The following PRR16 variants were observed in gnomAD, a reference collection of about 807,000 sequenced individuals.
PRR16 encodes the protein protein Largen.
In PRR16, 6 loss-of-function variants were observed where a neutral mutation model predicts 18.2. The ratio of observed to expected loss-of-function variants is 0.33; its 90% CI spans 0.18 to 0.65. The LOEUF is 0.65. PRR16 is among the 30% of genes least tolerant of loss of function. PRR16 has a pLI of 0.74. For missense variants in PRR16, 412 were observed against 376.6 expected (o/e 1.09, Z -0.78); for synonymous variants, 151 against 147.8 (o/e 1.02, Z -0.16).
chr5:120,584,194 A>C (rs572507877), intron 1 of PRR16, among the ~76,000 whole-genome samples: 117 of 152,334 alleles, frequency 7.7e-4, no homozygotes, highest in Non-Finnish European at 1.1e-3. Flanking sequence ...TGAGGCTTAC[A>C]TGGTAAGTAG....
the PRR16 span, among the ~76,000 whole-genome samples, chr5:120,762,674 C>A: frequency 6.6e-6 from 1 of 152,050 alleles, no homozygotes; most frequent in African/African-American, 2.4e-5. Flanking sequence ...CTTGTGTGTT[C>A]TAGATATTGT....
At chr5:120,514,002 C>T (rs1253557278) in intron 1 of PRR16, among the ~76,000 whole-genome samples, 2 of 152,136 alleles carry the variant, frequency 1.3e-5, no homozygotes, top group African/African-American at 2.4e-5. Flanking sequence ...TCGTGATCCA[C>T]CCACCTCGGC....
chr5:120,517,390 T>C (rs1162338386), intron 1 of PRR16, among the ~76,000 whole-genome samples: 1 of 152,062 alleles, frequency 6.6e-6, no homozygotes, highest in South Asian at 2.1e-4. Context: ...CCCCTACCCA[T>C]TCCCACAAAC....
the PRR16 span, among the ~76,000 whole-genome samples, chr5:120,711,355 A>G: frequency 6.6e-6 from 1 of 152,154 alleles, no homozygotes; most frequent in Non-Finnish European, 1.5e-5. Context: ...CTCAGTGTAG[A>G]GTAGTAATCA....
At chr5:120,678,709 AT>A (rs1471416610) in intron 1 of PRR16, among the ~76,000 whole-genome samples, 2 of 152,176 alleles carry the variant, frequency 1.3e-5, no homozygotes, top group Non-Finnish European at 2.9e-5. Flanking sequence ...TCTTTTCTAA[AT>A]ATAAGATCAT....
chr5:120,602,962 T>G (rs535713393), intron 1 of PRR16, among the ~76,000 whole-genome samples: 1 of 152,124 alleles, frequency 6.6e-6, no homozygotes, highest in Non-Finnish European at 1.5e-5. Flanking sequence ...TGCAGTGAGT[T>G]TGCTAGTACT....
At chr5:120,500,522 T>G (rs1182624144) in intron 1 of PRR16, among the ~76,000 whole-genome samples, 1 of 152,238 alleles carries the variant, frequency 6.6e-6, no homozygotes, top group Non-Finnish European at 1.5e-5. Flanking sequence ...ATTAAACTTA[T>G]TCTGTATTTG....
chr5:120,621,457 CT>C (rs1338963381), intron 1 of PRR16, among the ~76,000 whole-genome samples: 1 of 152,130 alleles, frequency 6.6e-6, no homozygotes, highest in East Asian at 1.9e-4. Flanking sequence ...TCTGATCCCC[CT>C]GTCCAGTACT....
At chr5:120,526,635 C>A (rs1361356186) in intron 1 of PRR16, among the ~76,000 whole-genome samples, 1 of 152,088 alleles carries the variant, frequency 6.6e-6, no homozygotes, top group East Asian at 1.9e-4. Flanking sequence ...TTGGAAATCA[C>A]AAAATAATAT....
the PRR16 span, among the ~76,000 whole-genome samples, chr5:120,698,772 T>G: frequency 2.0e-5 from 3 of 152,126 alleles, no homozygotes; most frequent in African/African-American, 4.8e-5. Context: ...AGTTGGTGGC[T>G]GAGCTTGGTG....
rs1444427625 is a variant in PRR16, at chr5:120,563,330, T to C, written c.159+98685T>C. Among the ~76,000 whole-genome samples the C allele has an allele frequency of 3.3e-5, 5 of 152,278 alleles. No homozygotes were observed. In the East Asian group the frequency reaches 9.6e-4, roughly 29 times the overall value. On this transcript the variant is annotated intron_variant, in intron 1 of 1. Transcript: ENST00000407149. ...GACATTTGTGGACTTCCCTTCAAGA[T>C]GGCCAGATCCCCCAGGTCCTAGTAG... is the stretch of plus-strand genomic sequence containing the variant.
chr5:120,556,267 A>C (rs1752409737), intron 1 of PRR16, among the ~76,000 whole-genome samples: 2 of 132,586 alleles, frequency 1.5e-5, no homozygotes, highest in African/African-American at 5.9e-5. Flanking sequence ...CATGCTATCC[A>C]GATGAAAACA....
At chr5:120,763,312 T>C in the PRR16 span, among the ~76,000 whole-genome samples, 1 of 151,564 alleles carries the variant, frequency 6.6e-6, no homozygotes, top group African/African-American at 2.4e-5. Context: ...CGTCTGGCTC[T>C]TTTTTTTGTA....
At chr5:120,637,642 T>TC (rs1554090529) in intron 1 of PRR16, among the ~76,000 whole-genome samples, 2 of 151,738 alleles carry the variant, frequency 1.3e-5, no homozygotes, top group Non-Finnish European at 2.9e-5. Context: ...TTTGGGGATT[T>TC]GGGGGGAAGG....
intron 1 of PRR16, among the ~76,000 whole-genome samples, chr5:120,652,901 G>A (rs921700047): frequency 6.6e-6 from 1 of 151,926 alleles, no homozygotes; most frequent in Non-Finnish European, 1.5e-5. Flanking sequence ...AGTGAAGGGT[G>A]TATGTTAACT....
intron 1 of PRR16, among the ~76,000 whole-genome samples, chr5:120,484,090 C>A (rs1749710097): frequency 1.3e-5 from 2 of 151,750 alleles, no homozygotes; most frequent in African/African-American, 4.8e-5. Context: ...CCCAGGATGA[C>A]ATTTTTAAAA....
chr5:120,758,067 G>A, the PRR16 span, among the ~76,000 whole-genome samples: 1 of 151,806 alleles, frequency 6.6e-6, no homozygotes, highest in East Asian at 1.9e-4. Context: ...TATTATTCTT[G>A]TAACTTTATT....
chr5:120,783,036 T>C, the PRR16 span, among the ~76,000 whole-genome samples: 8 of 152,162 alleles, frequency 5.3e-5, no homozygotes, highest in Non-Finnish European at 1.2e-4. Context: ...TGCTGGTGGA[T>C]GTACAGATTC....
intron 1 of PRR16, among the ~76,000 whole-genome samples, chr5:120,554,331 C>T (rs1374743088): frequency 6.6e-6 from 1 of 151,824 alleles, no homozygotes; most frequent in Non-Finnish European, 1.5e-5. Context: ...AAATCATGAA[C>T]ACATTTAACA....
Sources: gnomAD v4.1 joint callset for allele counts (sites outside exome capture counted in the v4.1 genomes callset) on GRCh38, gnomAD v4.1.1 for gene constraint, MANE v1.5 for transcripts, NCBI Gene and HGNC (gene_info 2026-07-23, HGNC 2026-07-21) for gene names.